PPP1R12B: variants seen among roughly 807,000 people sequenced by gnomAD.
PPP1R12B encodes the protein myosin phosphatase target subunit 2.
A neutral mutation model predicts 126.1 loss-of-function variants in PPP1R12B; 76 were observed. That is an observed-to-expected ratio of 0.60 (90% CI 0.50 to 0.73). The LOEUF (loss-of-function observed/expected upper bound fraction) is 0.73. Ranked by LOEUF, PPP1R12B falls within the 30% of genes least tolerant of loss-of-function variation. The pLI, the probability that PPP1R12B is intolerant of heterozygous loss-of-function variation, is 0.00. For synonymous variants in PPP1R12B, 356 were observed against 434.7 expected (o/e 0.82, Z 2.25); for missense variants, 1,052 against 1,205.1 (o/e 0.87, Z 1.88).
At chr1:202,381,134 A>G (rs1490163760) in intron 1 of PPP1R12B, among the ~76,000 whole-genome samples, 6 of 152,194 alleles carry the variant, frequency 3.9e-5, no homozygotes, top group Admixed American at 2.6e-4. Flanking sequence ...ACATATGTGT[A>G]CATACATACG....
At chr1:202,527,386 AGCT>A (rs1481772840) in intron 18 of PPP1R12B, 1 of 152,244 alleles carries the variant, frequency 6.6e-6, no homozygotes, top group Non-Finnish European at 1.5e-5. Context: ...TACTTTTTCC[AGCT>A]GCTGCACACT....
intron 23 of PPP1R12B, chr1:202,574,886 A>C (rs1462408620): frequency 2.8e-6 from 3 of 1,090,092 alleles, no homozygotes; most frequent in African/African-American, 1.6e-5. Context: ...TTGCATGCAA[A>C]CTAAAAACAA....
intron 1 of PPP1R12B, chr1:202,370,261 T>C (rs1659983905): frequency 6.5e-6 from 1 of 153,338 alleles, no homozygotes; most frequent in Non-Finnish European, 1.5e-5. Flanking sequence ...CTTTTAAAGT[T>C]TGGTTTCTTC....
intron 18 of PPP1R12B, among the ~76,000 whole-genome samples, chr1:202,556,508 A>T (rs1196910846): frequency 6.6e-6 from 1 of 152,154 alleles, no homozygotes; most frequent in Non-Finnish European, 1.5e-5. Context: ...ATGTTTTTTT[A>T]AAAAATGTAT....
chr1:202,381,434 G>GTGTGTGTGTGTGTGTGTGTGTGTGTGTA lies in PPP1R12B; in HGVS notation c.291+32295_291+32296insGTGTGTGTGTGTGTGTGTGTGTGTATGT, dbSNP rs71142528. On this transcript the variant is annotated intron_variant, in intron 1 of 23. Transcript: ENST00000608999. ...TGTGTGTGTGTGTGTGTGTGTGTGT[G>GTGTGTGTGTGTGTGTGTGTGTGTGTGTA]TGTATCATCCCTCAACTGCCTCCTC... is the stretch of plus-strand genomic sequence containing the variant. Among the ~76,000 whole-genome samples the GTGTGTGTGTGTGTGTGTGTGTGTGTGTA allele has an allele frequency of 1.6e-3, 211 of 131,212 alleles. 7 individuals carry two copies. Among genetic ancestry groups the GTGTGTGTGTGTGTGTGTGTGTGTGTGTA allele is most frequent in the African/African-American group, 2.9e-3 (96 of 33,362 alleles). The allele number at this position is 131,212 out of a possible 152,430, so 86.1% of individuals were successfully genotyped here. A position where few individuals can be genotyped will look rare whatever the true frequency, so the allele number is the denominator to read the frequency against.
intron 2 of PPP1R12B, among the ~76,000 whole-genome samples, chr1:202,422,188 TAGG>T (rs1461251312): frequency 5.9e-5 from 9 of 152,236 alleles, no homozygotes; most frequent in South Asian, 2.1e-4. Flanking sequence ...GTCTGGTTGA[TAGG>T]AGAGTTTTAT....
chr1:202,462,696 C>T, intron 13 of PPP1R12B: 1 of 910,346 alleles, frequency 1.1e-6, no homozygotes, highest in Non-Finnish European at 1.3e-6. Flanking sequence ...CTCATTCAAC[C>T]CTCCCTTGTT....
At chr1:202,548,810 A>C (rs7552610) in intron 18 of PPP1R12B, among the ~76,000 whole-genome samples, 21,808 of 59,148 alleles carry the variant, frequency 0.37, 1,776 homozygotes, top group African/African-American at 0.39. Context: ...CTCTCTCTCT[A>C]TATATATATA....
At chr1:202,374,693 G>A (rs1476079079) in intron 1 of PPP1R12B, among the ~76,000 whole-genome samples, 1 of 151,030 alleles carries the variant, frequency 6.6e-6, no homozygotes, top group African/African-American at 2.4e-5. Context: ...TAGAGACAGG[G>A]TTTCACCATG....
chr1:202,551,608 C>T (rs1686332392), intron 18 of PPP1R12B, among the ~76,000 whole-genome samples: 1 of 152,010 alleles, frequency 6.6e-6, no homozygotes, highest in African/African-American at 2.4e-5. Context: ...TCTGTAGAAC[C>T]CACGTATATG....
intron 1 of PPP1R12B, among the ~76,000 whole-genome samples, chr1:202,397,065 G>T (rs1455774471): frequency 6.6e-6 from 1 of 151,848 alleles, no homozygotes; most frequent in Non-Finnish European, 1.5e-5. Flanking sequence ...ACATTTTATG[G>T]CCCCTTCCTG....
intron 1 of PPP1R12B, among the ~76,000 whole-genome samples, chr1:202,367,511 T>A (rs896554451): frequency 6.6e-6 from 1 of 152,194 alleles, no homozygotes; most frequent in African/African-American, 2.4e-5. Flanking sequence ...CCCATTCCAG[T>A]CACATTAGTG....
intron 23 of PPP1R12B, 32 bp from the exon 24 acceptor site, chr1:202,580,440 GCT>G: frequency 6.4e-7 from 1 of 1,569,170 alleles, no homozygotes; most frequent in Non-Finnish European, 8.8e-7. Flanking sequence ...ATCCTGCCAG[GCT>G]CTAACTCACC....
intron 13 of PPP1R12B, among the ~76,000 whole-genome samples, chr1:202,465,723 C>T (rs185434869): frequency 1.3e-5 from 2 of 152,180 alleles, no homozygotes; most frequent in African/African-American, 4.8e-5. Context: ...TCCTCTTCCT[C>T]AGAGTCTCTT....
At chr1:202,396,583 A>G (rs1399387675) in intron 1 of PPP1R12B, among the ~76,000 whole-genome samples, 1 of 152,174 alleles carries the variant, frequency 6.6e-6, no homozygotes, top group Non-Finnish European at 1.5e-5. Context: ...CAGATAAAAC[A>G]GAGAAATTAG....
intron 21 of PPP1R12B, 113 bp downstream of exon 21, chr1:202,564,660 C>T (rs1454178174): frequency 5.4e-6 from 4 of 744,572 alleles, no homozygotes; most frequent in Admixed American, 2.8e-5. Flanking sequence ...CAGGCCTTCT[C>T]GGGGCAATGA....
chr1:202,575,686 A>C (rs898609002), intron 23 of PPP1R12B: 2 of 152,260 alleles, frequency 1.3e-5, no homozygotes, highest in African/African-American at 4.8e-5. Flanking sequence ...TTAAACATAT[A>C]CATAGCTTTT....
intron 1 of PPP1R12B, among the ~76,000 whole-genome samples, chr1:202,389,086 C>G (rs575330687): frequency 6.6e-6 from 1 of 152,066 alleles, no homozygotes; most frequent in African/African-American, 2.4e-5. Context: ...ATTATACCCC[C>G]TAACTCTCAC....
chr1:202,422,661 G>A lies in PPP1R12B; in HGVS notation c.464G>A (p.Ser155Asn), dbSNP rs1558204803. 1 of 1,613,850 alleles carries A rather than the reference G, an allele frequency of 6.2e-7. No individual in the cohort carries two copies. Among genetic ancestry groups the A allele is most frequent in the Non-Finnish European group, 8.5e-7 (1 of 1,179,780 alleles). ...NHGASVGIVNSEGEVPSDLAE... is the reference protein window; with the variant it reads ...NHGASVGIVNNEGEVPSDLAE... ...GGAGCCAGTGTAGGTATTGTCAATAGTGAAGGTGAAGTTCCCTCTGACCTT... is the reference window on the plus strand; with the variant it reads ...GGAGCCAGTGTAGGTATTGTCAATAATGAAGGTGAAGTTCCCTCTGACCTT... The change falls in exon 3 of 24, where the codon AGT becomes AAT. Residue 155 changes from serine (S) to asparagine (N), a missense_variant. Physicochemically the swap from Ser to Asn is conservative, Grantham distance 46. Coordinates refer to ENST00000608999, the MANE Select transcript of PPP1R12B (RefSeq NM_002481.4).
Sources: gnomAD v4.1 joint callset for allele counts (sites outside exome capture counted in the v4.1 genomes callset) on GRCh38, gnomAD v4.1.1 for gene constraint, MANE v1.5 for transcripts, NCBI Gene and HGNC (gene_info 2026-07-23, HGNC 2026-07-21) for gene names.